Variants in RAB5B observed in about 807,000 individuals in gnomAD.
RAB5B encodes the protein ras-related protein Rab-5B.
In RAB5B, 11 loss-of-function variants were observed where a neutral mutation model predicts 28.6. The ratio of observed to expected loss-of-function variants is 0.38; its 90% CI spans 0.24 to 0.64. The LOEUF is 0.64. Among genes scored for constraint, RAB5B ranks in the 30% least tolerant of loss-of-function variants. The pLI is 0.53. For missense variants in RAB5B, 169 were observed against 265.6 expected, an observed-to-expected ratio of 0.64 and a Z score of 2.53; for synonymous variants, 93 against 97.9, an observed-to-expected ratio of 0.95 and a Z score of 0.29.
At position 55,994,531 on chromosome 12, in the gene RAB5B, A is replaced by AT; in HGVS notation, c.*2326dup. On this transcript the variant is annotated 3_prime_UTR_variant, in exon 6 of 6. Coordinates refer to ENST00000360299, the MANE Select transcript of RAB5B (RefSeq NM_002868.4). ...TTTTCTTTTGTTTATTTCCCAGCTC[A>AT]TTTTTTTCTTCTGGTCAGTTTTTTT... 1 of 148,770 alleles carries AT rather than the reference A, an allele frequency of 6.7e-6. No individual in the cohort carries two copies. The allele number at this position is 148,770 out of a possible 1,614,324, so 9.2% of individuals were successfully genotyped here.
At position 55,990,893 on chromosome 12, in the gene RAB5B, C is replaced by T. The variant is rs546141668; in HGVS notation, c.438+89C>T. The stretch of plus-strand genomic sequence containing the variant: ...AACCAGCCCTCTCTGAAAACGTCAA[C>T]AGAGGACATTCATTGTCTCATTCCC... On this transcript the variant is annotated intron_variant, in intron 4 of 5. Transcript: ENST00000360299. The T allele has an allele frequency of 7.5e-4, 1,124 of 1,505,254 alleles. 1 individual carries two copies. The highest frequency in any genetic ancestry group is 9.4e-4 in the Non-Finnish European group (1,039 of 1,100,216). The allele number at this position is 1,505,254 out of a possible 1,614,324, so 93.2% of individuals were successfully genotyped here.
chr12:55,974,372 G>A (rs1032576050), intron 1 of RAB5B, among the ~76,000 whole-genome samples: 3 of 152,186 alleles, frequency 2.0e-5, no homozygotes, highest in African/African-American at 4.8e-5. Context: ...CTGTGGCGGC[G>A]GCCAGGCCGA....
intron 5 of RAB5B, 63 bp from the exon 6 acceptor site, chr12:55,992,034 G>C: frequency 7.8e-7 from 1 of 1,281,894 alleles, no homozygotes; most frequent in Non-Finnish European, 1.1e-6. Context: ...TTTGGCGGGT[G>C]GAGGCAGAGG....
At chr12:55,975,629 C>A (rs1889623191) in intron 1 of RAB5B, among the ~76,000 whole-genome samples, 1 of 150,874 alleles carries the variant, frequency 6.6e-6, no homozygotes, top group African/African-American at 2.4e-5. Context: ...AAAAAAAAGA[C>A]AAAGATTGCC....
At chr12:55,987,228 T>G in intron 2 of RAB5B, 105 bp downstream of exon 2, 1 of 1,162,148 alleles carries the variant, frequency 8.6e-7, no homozygotes, top group South Asian at 1.6e-5. Flanking sequence ...TGGCGCAATC[T>G]TGGCTTACTG....
chr12:55,984,185 A>AT (rs550936650), intron 1 of RAB5B, among the ~76,000 whole-genome samples: 117 of 135,474 alleles, frequency 8.6e-4, no homozygotes, highest in Admixed American at 1.3e-3. Flanking sequence ...CACCCGGCTA[A>AT]TTTTTTTTTT....
At chr12:55,988,709 G>A (rs1592804704) in intron 2 of RAB5B, among the ~76,000 whole-genome samples, 1 of 152,020 alleles carries the variant, frequency 6.6e-6, no homozygotes, top group East Asian at 1.9e-4. Context: ...CACCGTGTTG[G>A]CCAGGCTGGT....
rs918016331 is a variant in RAB5B, at chr12:55,974,149, T to A, written c.-93+10T>A. 1.3e-5 allele frequency: 2 copies of A among 152,814 alleles called. No homozygotes were observed. The highest frequency in any genetic ancestry group is 4.8e-5 in the African/African-American group (2 of 41,434). The allele number at this position is 152,814 out of a possible 1,614,324, so 9.5% of individuals were successfully genotyped here. On this transcript the variant is annotated intron_variant, in intron 1 of 5. Transcript: ENST00000360299. ...GGAGACGGAGCCCCAGGTACCGAGC[T>A]GATGGAGCCCAAAGGGCAGGGGCGG...
chr12:55,985,592 C>G (rs993084361), intron 1 of RAB5B: 1 of 404,360 alleles, frequency 2.5e-6, no homozygotes, highest in Non-Finnish European at 5.0e-6. Context: ...TGTTCCCTGC[C>G]CCACCAGCAG....
Position 55,991,936 on chromosome 12 carries a change from A to AG in RAB5B, c.533-161_533-160insG, listed in dbSNP as rs1890136921. On this transcript the variant is annotated intron_variant, in intron 5 of 5. Transcript: ENST00000360299. The stretch of plus-strand genomic sequence containing the variant: ...GCGAGACTCCATCTCAAAAAAAAAA[A>AG]AAAAGTTTGCAAATAGTGAACCCTC... 8.3e-6 allele frequency: 5 copies of AG among 603,732 alleles called. No homozygotes were observed. The East Asian group carries it at 1.4e-4, about 17-fold the overall frequency. The allele number at this position is 603,732 out of a possible 1,614,324, so 37.4% of individuals were successfully genotyped here. A position where few individuals can be genotyped will look rare whatever the true frequency, so the allele number is the denominator to read the frequency against.
intron 1 of RAB5B, among the ~76,000 whole-genome samples, chr12:55,984,514 C>T (rs867399594): frequency 2.0e-5 from 3 of 151,880 alleles, no homozygotes; most frequent in Non-Finnish European, 4.4e-5. Context: ...GAGTCTCGCT[C>T]TGTCACCCAG....
At chr12:55,984,502 C>T (rs997541790) in intron 1 of RAB5B, among the ~76,000 whole-genome samples, 10 of 151,022 alleles carry the variant, frequency 6.6e-5, no homozygotes, top group Non-Finnish European at 1.3e-4. Flanking sequence ...TTTTTTGAGA[C>T]GGAGTCTCGC....
intron 2 of RAB5B, 50 bp downstream of exon 2, chr12:55,987,173 T>A: frequency 6.6e-7 from 1 of 1,523,810 alleles, no homozygotes; most frequent in African/African-American, 1.4e-5. Flanking sequence ...AGGGTTTTTT[T>A]TTTTTTAGAT....
chr12:55,978,259 G>A (rs1889699109), intron 1 of RAB5B, among the ~76,000 whole-genome samples: 1 of 152,192 alleles, frequency 6.6e-6, no homozygotes, highest in African/African-American at 2.4e-5. Context: ...CAGCACTTTG[G>A]GAGGCTGAGG....
Position 55,986,930 on chromosome 12 carries a change from C to T in RAB5B, c.-31C>T, listed in dbSNP as rs774477845. On this transcript the variant is annotated 5_prime_UTR_variant, in exon 2 of 6. Coordinates refer to ENST00000360299, the MANE Select transcript of RAB5B (RefSeq NM_002868.4). ...TCCCCCCTTTACAGTATCCCCCTCC[C>T]TCCACCCTTTCCCATTCTGATAATC... 1.3e-4 allele frequency: 190 copies of T among 1,514,680 alleles called. No homozygotes were observed. The highest frequency in any genetic ancestry group is 1.7e-4 in the Non-Finnish European group (185 of 1,098,742). 93.8% of individuals were successfully genotyped at this position (1,514,680 alleles called of 1,614,324 possible). A position where few individuals can be genotyped will look rare whatever the true frequency, so the allele number is the denominator to read the frequency against.
rs1361084504 is a variant in RAB5B, at chr12:55,991,495, T to C, written c.532+42T>C. The C allele has an allele frequency of 3.9e-6, 6 of 1,529,970 alleles. No individual in the cohort carries two copies. In the African/African-American group the frequency reaches 8.2e-5, roughly 21 times the overall value. 94.8% of individuals were successfully genotyped at this position (1,529,970 alleles called of 1,614,324 possible). A position where few individuals can be genotyped will look rare whatever the true frequency, so the allele number is the denominator to read the frequency against. Reference sequence around the variant, plus strand: ...CTGAGGTCCTCCTTTTTCCCTCGTTTATAGGCAAAATTATAGCTAACCCAA... The same window carrying C: ...CTGAGGTCCTCCTTTTTCCCTCGTTCATAGGCAAAATTATAGCTAACCCAA... On this transcript the variant is annotated intron_variant, in intron 5 of 5. Transcript: ENST00000360299.
chr12:55,990,613 C>T (rs1890084876), intron 3 of RAB5B, 69 bp from the exon 4 acceptor site: 3 of 1,582,484 alleles, frequency 1.9e-6, no homozygotes, highest in Non-Finnish European at 2.6e-6. Flanking sequence ...TTTTGAGACT[C>T]ATTTTAAAAG....
intron 2 of RAB5B, among the ~76,000 whole-genome samples, 171 bp downstream of exon 2, chr12:55,987,294 G>A (rs545226497): frequency 6.6e-6 from 1 of 151,996 alleles, no homozygotes; most frequent in African/African-American, 2.4e-5. Context: ...CCGAGTAACT[G>A]GGATTACAGG....
intron 1 of RAB5B, among the ~76,000 whole-genome samples, chr12:55,980,122 G>A (rs549080730): frequency 9.7e-4 from 147 of 152,096 alleles, no homozygotes; most frequent in African/African-American, 3.5e-3. Flanking sequence ...TTACATTTAT[G>A]TTTGCCCTGA....
Sources: gnomAD v4.1 joint callset for allele counts (sites outside exome capture counted in the v4.1 genomes callset) on GRCh38, gnomAD v4.1.1 for gene constraint, MANE v1.5 for transcripts, NCBI Gene and HGNC (gene_info 2026-07-23, HGNC 2026-07-21) for gene names.